The following ERCC6L2 variants were observed in gnomAD, a reference collection of about 807,000 sequenced individuals.
ERCC6L2 encodes the protein ERCC excision repair 6 like 2, also known as DNA excision repair protein ERCC-6-like 2.
In ERCC6L2, 77 loss-of-function variants were observed where a neutral mutation model predicts 132.0. The ratio of observed to expected loss-of-function variants is 0.58; its 90% CI spans 0.49 to 0.71. The LOEUF (loss-of-function observed/expected upper bound fraction) is 0.71. Ranked by LOEUF, ERCC6L2 falls within the 30% of genes least tolerant of loss-of-function variation. The pLI is 0.00. For synonymous variants in ERCC6L2, 583 were observed against 632.4 expected, an observed-to-expected ratio of 0.92 and a Z score of 1.17; for missense variants, 1,542 against 1,837.6, an observed-to-expected ratio of 0.84 and a Z score of 2.94.
At chr9:96,004,158 C>T (rs1328072576) in intron 17 of ERCC6L2, among the ~76,000 whole-genome samples, 1 of 152,122 alleles carries the variant, frequency 6.6e-6, no homozygotes, top group Non-Finnish European at 1.5e-5. Context: ...AATAATTTTG[C>T]AATTACTAAA....
chr9:95,901,093 C>A (rs1051702526), intron 3 of ERCC6L2, among the ~76,000 whole-genome samples: 1 of 151,224 alleles, frequency 6.6e-6, no homozygotes, highest in Non-Finnish European at 1.5e-5. Flanking sequence ...AAAAAAAATT[C>A]TTCAGTAAAT....
chr9:95,960,623 T>G (rs1831856661), intron 13 of ERCC6L2, among the ~76,000 whole-genome samples: 1 of 152,096 alleles, frequency 6.6e-6, no homozygotes, highest in Admixed American at 6.5e-5. Flanking sequence ...AGAAGTAGAT[T>G]CTTTGCTAGA....
chr9:95,941,732 C>T (rs1157001195), intron 12 of ERCC6L2, among the ~76,000 whole-genome samples, 183 bp downstream of exon 12: 1 of 152,134 alleles, frequency 6.6e-6, no homozygotes, highest in Admixed American at 6.5e-5. Context: ...AGCCATTTTT[C>T]ATCCATCTCA....
chr9:95,919,230 T>C (rs2132726525), intron 6 of ERCC6L2, among the ~76,000 whole-genome samples: 1 of 152,350 alleles, frequency 6.6e-6, no homozygotes, highest in African/African-American at 2.4e-5. Context: ...TTAGCATTGT[T>C]TTATAGAGAC....
At chr9:95,950,082 C>A (rs1831260539) in intron 12 of ERCC6L2, among the ~76,000 whole-genome samples, 1 of 151,442 alleles carries the variant, frequency 6.6e-6, no homozygotes, top group Non-Finnish European at 1.5e-5. Flanking sequence ...GACAGTAACT[C>A]AAAGTCATAC....
chr9:95,886,334 A>G (rs1827865405), intron 2 of ERCC6L2, among the ~76,000 whole-genome samples: 1 of 151,886 alleles, frequency 6.6e-6, no homozygotes, highest in African/African-American at 2.4e-5. Context: ...TAATATGTAT[A>G]CATAGGATGA....
intron 11 of ERCC6L2, among the ~76,000 whole-genome samples, chr9:95,935,867 C>T (rs578193071): frequency 3.1e-4 from 47 of 152,188 alleles, no homozygotes; most frequent in African/African-American, 1.1e-3. Flanking sequence ...TACTTACTAA[C>T]TTGTAAGGAT....
At chr9:95,971,026 A>G (rs902136038) in intron 15 of ERCC6L2, among the ~76,000 whole-genome samples, 7 of 152,210 alleles carry the variant, frequency 4.6e-5, no homozygotes, top group Non-Finnish European at 8.8e-5. Flanking sequence ...TATCAAAATT[A>G]TTCTCTAACC....
chr9:95,973,777 G>A (rs62562991), intron 16 of ERCC6L2, among the ~76,000 whole-genome samples: 1,687 of 152,138 alleles, frequency 0.011, 14 homozygotes, highest in Non-Finnish European at 0.018. Context: ...CATATCACTA[G>A]GTATTATGGT....
chr9:95,928,495 A>T (rs928764337), intron 10 of ERCC6L2, among the ~76,000 whole-genome samples: 3 of 152,192 alleles, frequency 2.0e-5, no homozygotes, highest in Non-Finnish European at 4.4e-5. Context: ...AAAAATGAAA[A>T]GATTGATTTT....
At chr9:96,001,918 C>T (rs640297) in intron 17 of ERCC6L2, among the ~76,000 whole-genome samples, 39,836 of 152,186 alleles carry the variant, frequency 0.26, 5,813 homozygotes, top group East Asian at 0.4. Flanking sequence ...AGTGGGCCAG[C>T]ACTGCTGGGG....
intron 11 of ERCC6L2, among the ~76,000 whole-genome samples, chr9:95,940,039 C>A (rs975290601): frequency 6.6e-6 from 1 of 152,144 alleles, no homozygotes; most frequent in Non-Finnish European, 1.5e-5. Context: ...TCCCACCTGG[C>A]GTCCCCTGAC....
intron 2 of ERCC6L2, 38 bp from the exon 3 acceptor site, chr9:95,897,811 C>T: frequency 6.2e-7 from 1 of 1,605,404 alleles, no homozygotes; most frequent in Non-Finnish European, 8.5e-7. Flanking sequence ...CGTCATGATA[C>T]ATTATACACA....
At chr9:95,948,791 G>GAAAAAAAAAAAAAAAAAA (rs55712485) in intron 12 of ERCC6L2, among the ~76,000 whole-genome samples, 1 of 104,070 alleles carries the variant, frequency 9.6e-6, no homozygotes, top group Non-Finnish European at 1.9e-5. Context: ...CAAGACATTA[G>GAAAAAAAAAAAAAAAAAA]AAAAAAAAAA....
rs1829851867 is a variant in ERCC6L2 at position 95,921,165 on chromosome 9, A to G, written c.1159-10A>G. ...AATACTAATAACTACCTTGTATTTT[A>G]TCTTGGCAGATGGTGTATTGTTCTT... is the stretch of plus-strand genomic sequence containing the variant. On this transcript the variant is annotated splice_polypyrimidine_tract_variant and intron_variant, in intron 6 of 18. Coordinates refer to ENST00000653738, the MANE Select transcript of ERCC6L2 (RefSeq NM_020207.7). 6.3e-7 allele frequency: 1 copy of G among 1,599,310 alleles called. No individual in the cohort carries two copies. The highest frequency in any genetic ancestry group is 1.4e-5 in the African/African-American group (1 of 73,958).
At chr9:96,001,380 C>T (rs1171574842) in intron 17 of ERCC6L2, among the ~76,000 whole-genome samples, 3 of 152,150 alleles carry the variant, frequency 2.0e-5, no homozygotes. Context: ...GGTGCATTTA[C>T]AATCCCTGAG....
intron 19 of ERCC6L2, among the ~76,000 whole-genome samples, chr9:96,038,372 A>G (rs1217353305): frequency 6.6e-6 from 1 of 152,198 alleles, no homozygotes; most frequent in East Asian, 1.9e-4. Flanking sequence ...GACAGTCTAC[A>G]CTGCAGAGTC....
chr9:95,999,011 G>T (rs1423632442), intron 17 of ERCC6L2, among the ~76,000 whole-genome samples: 4 of 152,124 alleles, frequency 2.6e-5, no homozygotes, highest in Non-Finnish European at 4.4e-5. Context: ...ATGGAAATAT[G>T]AAACTAGATA....
At chr9:95,940,256 G>A (rs1262417910) in intron 11 of ERCC6L2, among the ~76,000 whole-genome samples, 1 of 152,164 alleles carries the variant, frequency 6.6e-6, no homozygotes, top group Non-Finnish European at 1.5e-5. Flanking sequence ...GGCAGGAGTA[G>A]AGTGGTTATT....
Sources: allele counts gnomAD v4.1 joint callset (sites outside exome capture counted in the v4.1 genomes callset), GRCh38; gene constraint gnomAD v4.1.1; transcripts MANE v1.5; gene names NCBI Gene and HGNC (gene_info 2026-07-23, HGNC 2026-07-21).